The following DCC variants were observed in gnomAD, a reference collection of about 807,000 sequenced individuals.
DCC encodes the protein netrin receptor DCC.
A neutral mutation model predicts 172.5 loss-of-function variants in DCC; 58 were observed. The observed-to-expected ratio is 0.34, with a 90% CI of 0.27 to 0.42. DCC has a LOEUF of 0.42. Among genes scored for constraint, DCC ranks in the 10% least tolerant of loss-of-function variants. The pLI, the probability that DCC is intolerant of heterozygous loss-of-function variation, is 1.00. For synonymous variants in DCC, 709 were observed against 644.5 expected (o/e 1.10, Z -1.52); for missense variants, 1,740 against 1,791.0 (o/e 0.97, Z 0.51).
intron 1 of DCC, among the ~76,000 whole-genome samples, chr18:52,511,845 T>A (rs956325129): frequency 1.3e-5 from 2 of 152,212 alleles, no homozygotes; most frequent in Admixed American, 6.5e-5. Context: ...TTTTCAGGAC[T>A]GGCTTTCTCG....
chr18:53,390,172 C>T (rs568107262), intron 16 of DCC, among the ~76,000 whole-genome samples: 34 of 152,182 alleles, frequency 2.2e-4, no homozygotes, highest in African/African-American at 7.9e-4. Context: ...TAAAGGATCC[C>T]TTAATAAAAA....
At chr18:52,722,659 G>A (rs1179988718) in intron 1 of DCC, among the ~76,000 whole-genome samples, 1 of 151,780 alleles carries the variant, frequency 6.6e-6, no homozygotes, top group African/African-American at 2.4e-5. Context: ...TTGTTCAGAC[G>A]CATCTGTCCA....
chr18:53,138,383 A>G (rs2043778946), intron 7 of DCC, among the ~76,000 whole-genome samples: 2 of 152,216 alleles, frequency 1.3e-5, no homozygotes, highest in South Asian at 4.1e-4. Flanking sequence ...TAGCTATTCA[A>G]ATTATCTTAT....
intron 5 of DCC, among the ~76,000 whole-genome samples, chr18:52,999,469 G>A (rs1451158965): frequency 6.6e-6 from 1 of 152,052 alleles, no homozygotes; most frequent in African/African-American, 2.4e-5. Context: ...GATGGAGCAT[G>A]GCCAGAGGAG....
intron 12 of DCC, among the ~76,000 whole-genome samples, chr18:53,280,513 T>C (rs1262404404): frequency 6.6e-6 from 1 of 152,154 alleles, no homozygotes; most frequent in Non-Finnish European, 1.5e-5. Context: ...TTGGGTAGGA[T>C]GAAGGAGCAT....
intron 1 of DCC, among the ~76,000 whole-genome samples, chr18:52,495,783 C>A (rs2030722771): frequency 1.4e-5 from 2 of 146,156 alleles, no homozygotes; most frequent in African/African-American, 5.1e-5. Context: ...TTTTTTTTAG[C>A]AATTTGGAGT....
chr18:53,169,743 G>T (rs533144913), intron 8 of DCC, among the ~76,000 whole-genome samples: 2 of 152,062 alleles, frequency 1.3e-5, no homozygotes, highest in African/African-American at 4.8e-5. Context: ...GTGAGAGGCC[G>T]AACAATACAA....
intron 5 of DCC, among the ~76,000 whole-genome samples, chr18:53,031,285 C>G (rs577008943): frequency 4.6e-5 from 7 of 152,212 alleles, no homozygotes; most frequent in African/African-American, 1.7e-4. Flanking sequence ...ATATTCTTTT[C>G]TGTCTTGTGA....
chr18:53,444,842 C>T (rs1239519511), intron 22 of DCC, among the ~76,000 whole-genome samples: 1 of 152,144 alleles, frequency 6.6e-6, no homozygotes, highest in Non-Finnish European at 1.5e-5. Flanking sequence ...ATTTATTTCC[C>T]TCATGATTTG....
At chr18:53,379,860 C>A (rs1167139971) in intron 15 of DCC, among the ~76,000 whole-genome samples, 1 of 152,128 alleles carries the variant, frequency 6.6e-6, no homozygotes, top group East Asian at 1.9e-4. Flanking sequence ...CCAGAATATT[C>A]TTGATTTAAA....
intron 5 of DCC, among the ~76,000 whole-genome samples, chr18:52,939,749 A>G (rs2040432572): frequency 6.6e-6 from 1 of 152,122 alleles, no homozygotes; most frequent in African/African-American, 2.4e-5. Context: ...CATCATCATC[A>G]TGCCAGAAAG....
intron 17 of DCC, among the ~76,000 whole-genome samples, chr18:53,394,699 TACA>T (rs1268493546): frequency 1.3e-5 from 2 of 152,142 alleles, no homozygotes; most frequent in Non-Finnish European, 2.9e-5. Context: ...TAAAATTACA[TACA>T]ACAAGAGACA....
chr18:52,442,493 A>C (rs955054218), intron 1 of DCC, among the ~76,000 whole-genome samples: 6 of 152,204 alleles, frequency 3.9e-5, no homozygotes, highest in African/African-American at 1.4e-4. Flanking sequence ...ACTTTTATTT[A>C]GTATTGGAGC....
intron 3 of DCC, among the ~76,000 whole-genome samples, chr18:52,915,964 C>T (rs1045286634): frequency 7.9e-5 from 12 of 151,890 alleles, no homozygotes; most frequent in Admixed American, 2.0e-4. Flanking sequence ...AGGGGATCTG[C>T]GAGGTCAAAG....
In DCC at chr18:53,477,456, C is replaced by A. The variant is rs531583509; in HGVS notation, c.3737-9341C>A. On this transcript the variant is annotated intron_variant, in intron 25 of 28. Coordinates refer to ENST00000442544, the MANE Select transcript of DCC (RefSeq NM_005215.4). ...GGAGAGTAGATAAATTTATAATGGC[C>A]CCATTTGCAATTATTTACACTTACT... Among the ~76,000 whole-genome samples, 53 of 152,072 alleles carry A rather than the reference C, an allele frequency of 3.5e-4. 1 individual carries two copies. Among genetic ancestry groups the A allele is most frequent in the East Asian group, 2.7e-3 (14 of 5,166 alleles).
intron 15 of DCC, among the ~76,000 whole-genome samples, chr18:53,350,169 T>C (rs2057773416): frequency 6.6e-6 from 1 of 152,200 alleles, no homozygotes; most frequent in Non-Finnish European, 1.5e-5. Context: ...TGAGGATTTA[T>C]GTTCTTCCAA....
chr18:53,175,680 A>T (rs1247918934), intron 8 of DCC, among the ~76,000 whole-genome samples: 1 of 152,106 alleles, frequency 6.6e-6, no homozygotes, highest in Non-Finnish European at 1.5e-5. Context: ...ATCAAAGAGG[A>T]TACAAACAAA....
chr18:52,343,258 A>G (rs1983736773), intron 1 of DCC, among the ~76,000 whole-genome samples: 1 of 152,244 alleles, frequency 6.6e-6, no homozygotes, highest in Admixed American at 6.5e-5. Flanking sequence ...ACTTACAACG[A>G]GAAAGCATAG....
At chr18:52,888,916 TACAC>T (rs1327613657) in intron 2 of DCC, among the ~76,000 whole-genome samples, 1 of 152,030 alleles carries the variant, frequency 6.6e-6, no homozygotes, top group Non-Finnish European at 1.5e-5. Context: ...TATCTATATA[TACAC>T]ACACATATAT....
Sources: gnomAD v4.1 joint callset for allele counts (sites outside exome capture counted in the v4.1 genomes callset) on GRCh38, gnomAD v4.1.1 for gene constraint, MANE v1.5 for transcripts, NCBI Gene and HGNC (gene_info 2026-07-23, HGNC 2026-07-21) for gene names.